Variants in SRCAP observed in about 807,000 individuals in gnomAD.
SRCAP encodes the protein chromatin remodeling protein SRCAP.
Under a neutral mutation model 263.1 loss-of-function variants are expected in SRCAP, and 46 were observed. The observed-to-expected ratio is 0.17, with a 90% confidence interval of 0.14 to 0.22. SRCAP has a LOEUF of 0.22. SRCAP is among the 10% of genes least tolerant of loss of function. The pLI is 1.00. For missense variants in SRCAP, 3,695 were observed against 4,181.9 expected (o/e 0.88, Z 3.21); for synonymous variants, 1,813 against 1,662.1 (o/e 1.09, Z -2.21).
intron 3 of SRCAP, 83 bp downstream of exon 3, chr16:30,700,961 ATTTGTGGAGAGT>A: frequency 6.9e-7 from 1 of 1,459,774 alleles, no homozygotes; most frequent in Non-Finnish European, 9.6e-7. Flanking sequence ...GCAGGGGAAT[ATTTGTGGAGAGT>A]TTTGGAGAAT....
Position 30,712,049 on chromosome 16 carries a change from G to A in SRCAP, c.1707G>A (p.Gly569=). 1 of 1,614,006 alleles carries A rather than the reference G, an allele frequency of 6.2e-7. No homozygotes were observed. Among genetic ancestry groups the A allele is most frequent in the Non-Finnish European group, 8.5e-7 (1 of 1,180,016 alleles). ...AGAGTGAGGCAGATGCAGGCAGTGG[G>A]CCTCCTACTCCAGGGCCCACTACTC... ...EEQSEADAGS[G]PPTPGPTTLG... is the part of the protein sequence containing the mutation. Residue 569 remains glycine, a synonymous_variant, in exon 12 of 34, where the codon GGG becomes GGA. Transcript: ENST00000262518.
intron 4 of SRCAP, among the ~76,000 whole-genome samples, chr16:30,704,965 T>C (rs1445179552): frequency 6.6e-6 from 1 of 152,222 alleles, no homozygotes; most frequent in Non-Finnish European, 1.5e-5. Flanking sequence ...AAGTGTGGTC[T>C]CTGGGCCAGC....
At chr16:30,708,647 G>T (rs566730706) in intron 6 of SRCAP, among the ~76,000 whole-genome samples, 7 of 152,110 alleles carry the variant, frequency 4.6e-5, no homozygotes, top group Non-Finnish European at 1.0e-4. Flanking sequence ...ACTCGCCCCA[G>T]CCTCTCAAAG....
At chr16:30,734,772 T>G (rs548650405) in intron 31 of SRCAP, among the ~76,000 whole-genome samples, 157 bp downstream of exon 31, 2 of 152,342 alleles carry the variant, frequency 1.3e-5, no homozygotes, top group African/African-American at 4.8e-5. Context: ...TGCTTATTGG[T>G]TCACATGATT....
In SRCAP at chr16:30,729,029, A is replaced by T; in HGVS notation, c.5722A>T (p.Ser1908Cys). The T allele has an allele frequency of 1.2e-6, 2 of 1,614,140 alleles. No homozygotes were observed. The highest frequency in any genetic ancestry group is 1.7e-6 in the Non-Finnish European group (2 of 1,180,016). ...ACGCCTGGAACGGATTTTCCAACTT[A>T]GTGAGGCTCATGGGGCCCTGGCACC... Reference protein sequence around the residue: ...SERLERIFQLSEAHGALAPVY... With the variant: ...SERLERIFQLCEAHGALAPVY... The change falls in exon 26 of 34, where the codon AGT becomes TGT. Residue 1908 changes from serine to cysteine, a missense_variant. Coordinates refer to ENST00000262518, the MANE Select transcript of SRCAP (RefSeq NM_006662.3).
Position 30,740,841 on chromosome 16 carries a change from A to T in SRCAP, c.*1108A>T, listed in dbSNP as rs1218336803. ...TCCCTGCAGCTTCTTGGCACACATC[A>T]TTCTTTGCTCTCTACTTGTCTCGCC... On this transcript the variant is annotated 3_prime_UTR_variant, in exon 34 of 34. Coordinates refer to ENST00000262518, the MANE Select transcript of SRCAP (RefSeq NM_006662.3). The T allele has an allele frequency of 6.6e-6, 1 of 152,244 alleles. No homozygotes were observed. The highest frequency in any genetic ancestry group is 1.5e-5 in the Non-Finnish European group (1 of 68,092). 9.4% of individuals were successfully genotyped at this position (152,244 alleles called of 1,614,324 possible). A position where few individuals can be genotyped will look rare whatever the true frequency, so the allele number is the denominator to read the frequency against.
chr16:30,720,906 A>T lies in SRCAP; in HGVS notation c.3181A>T (p.Ile1061Phe). The T allele has an allele frequency of 1.2e-6, 2 of 1,614,074 alleles. No individual in the cohort carries two copies. The highest frequency in any genetic ancestry group is 1.7e-6 in the Non-Finnish European group (2 of 1,180,000). ...VSASPAGPPL[I>F]PASRPPGPVL... ...AGCCTCACCTGCCGGGCCCCCGCTT[A>T]TTCCTGCATCTCGGCCTCCTGGCCC... The change falls in exon 20 of 34, where the codon ATT becomes TTT. Residue 1061 changes from isoleucine (I) to phenylalanine (F), a missense_variant. Physicochemically the swap from Ile to Phe is conservative, Grantham distance 21. Around this residue, in one of 12 missense-constraint regions of SRCAP, gnomAD observed 1,347 missense variants for 1,304.4 expected, o/e 1.03. Transcript: ENST00000262518.
At chr16:30,722,037 G>A (rs2053016537) in intron 21 of SRCAP, 85 bp from the exon 22 acceptor site, 29 of 1,505,410 alleles carry the variant, frequency 1.9e-5, no homozygotes, top group Non-Finnish European at 2.6e-5. Flanking sequence ...CTGGACACTC[G>A]GGGGAGAGGT....
At chr16:30,730,593 G>A (rs1342670973) in intron 27 of SRCAP, among the ~76,000 whole-genome samples, 4 of 151,858 alleles carry the variant, frequency 2.6e-5, no homozygotes, top group Non-Finnish European at 5.9e-5. Flanking sequence ...CACCACACCC[G>A]GCTAATTTTT....
At position 30,720,930 on chromosome 16, in the gene SRCAP, C is replaced by T. The variant is rs201405560; in HGVS notation, c.3205C>T (p.Pro1069Ser). Reference sequence around the variant, plus strand: ...TATTCCTGCATCTCGGCCTCCTGGCCCTGTCCTCTTGCCTCCACTGCAGCC... The same window carrying T: ...TATTCCTGCATCTCGGCCTCCTGGCTCTGTCCTCTTGCCTCCACTGCAGCC... ...PLIPASRPPG[P>S]VLLPPLQPNS... is the part of the protein sequence containing the mutation. The change falls in exon 20 of 34, where the codon CCT becomes TCT. Residue 1069 changes from proline (P) to serine (S), a missense_variant. Physicochemically the swap from Pro to Ser is moderately conservative, Grantham distance 74. This residue lies in a region of SRCAP where 1,347 missense variants were observed against 1,304.4 expected (regional missense o/e 1.03). Coordinates refer to ENST00000262518, the MANE Select transcript of SRCAP (RefSeq NM_006662.3). 6.2e-7 allele frequency: 1 copy of T among 1,613,712 alleles called. No homozygotes were observed. The highest frequency in any genetic ancestry group is 1.7e-5 in the Admixed American group (1 of 59,984).
chr16:30,708,793 T>C (rs2052855478), intron 6 of SRCAP, among the ~76,000 whole-genome samples: 1 of 152,220 alleles, frequency 6.6e-6, no homozygotes, highest in South Asian at 2.1e-4. Flanking sequence ...CCTCCCAAAG[T>C]GTGAGCCACT....
chr16:30,710,277 A>G (rs1032588299), intron 8 of SRCAP, 149 bp downstream of exon 8: 9 of 877,632 alleles, frequency 1.0e-5, no homozygotes, highest in Non-Finnish European at 1.6e-5. Context: ...CTGGGGAAGA[A>G]TCTGTTTGGG....
chr16:30,701,204 C>T, intron 3 of SRCAP: 1 of 262,226 alleles, frequency 3.8e-6, no homozygotes, highest in Admixed American at 4.4e-5. Context: ...TAGGATAAGC[C>T]TATGGATGGT....
intron 3 of SRCAP, among the ~76,000 whole-genome samples, chr16:30,703,284 C>G (rs1372187761): frequency 1.3e-5 from 2 of 151,406 alleles, no homozygotes; most frequent in Non-Finnish European, 2.9e-5. Flanking sequence ...TCCCACGCCT[C>G]CCAGGTTCAA....
Position 30,711,073 on chromosome 16 carries a change from G to A in SRCAP, c.1303G>A (p.Glu435Lys), listed in dbSNP as rs2052885774. ...GGTGGATCATGCCATGGAGCTGAGCGAGTTGGCTCGAGAAGGTGACATTTA... is the reference window on the plus strand; with the variant it reads ...GGTGGATCATGCCATGGAGCTGAGCAAGTTGGCTCGAGAAGGTGACATTTA... ...GEVDHAMELSELAREGELSME... is the reference protein window; with the variant it reads ...GEVDHAMELSKLAREGELSME... Residue 435 changes from glutamate (E) to lysine (K), a missense_variant, in exon 10 of 34, where the codon GAG becomes AAG. By Grantham distance (56) the Glu-to-Lys change is moderately conservative. Around this residue, in one of 12 missense-constraint regions of SRCAP, gnomAD observed 288 missense variants for 302.4 expected, o/e 0.95. Coordinates refer to ENST00000262518, the MANE Select transcript of SRCAP (RefSeq NM_006662.3). The A allele has an allele frequency of 2.5e-6, 4 of 1,613,378 alleles. No homozygotes were observed. Among genetic ancestry groups the A allele is most frequent in the Non-Finnish European group, 3.4e-6 (4 of 1,179,612 alleles).
chr16:30,709,405 A>G (rs1184257996), intron 6 of SRCAP, 108 bp from the exon 7 acceptor site: 3 of 1,185,350 alleles, frequency 2.5e-6, no homozygotes, highest in African/African-American at 1.5e-5. Flanking sequence ...TTACTTTCCT[A>G]AGAGGCCAGC....
intron 18 of SRCAP, among the ~76,000 whole-genome samples, chr16:30,716,940 T>G (rs1008467254): frequency 2.0e-5 from 3 of 152,210 alleles, no homozygotes; most frequent in African/African-American, 7.2e-5. Context: ...TGTACAAATA[T>G]CTCTGCTTTT....
At position 30,729,581 on chromosome 16, in the gene SRCAP, G is replaced by GT. The variant is rs752651718; in HGVS notation, c.6127+11dup. ...CATCCAGTATGATTGCGGTGAGTTT[G>GT]TTGGCCAGTGTAGGACCCTTGACTT... On this transcript the variant is annotated intron_variant, in intron 27 of 33. Coordinates refer to ENST00000262518, the MANE Select transcript of SRCAP (RefSeq NM_006662.3). 1 of 1,614,164 alleles carries GT rather than the reference G, an allele frequency of 6.2e-7. No homozygotes were observed. The highest frequency in any genetic ancestry group is 2.2e-5 in the East Asian group (1 of 44,888).
In SRCAP at chr16:30,738,962, C is replaced by G. The variant is rs1445120039; in HGVS notation, c.8922C>G (p.Pro2974=). The G allele has an allele frequency of 6.2e-7, 1 of 1,613,648 alleles. No homozygotes were observed. Among genetic ancestry groups the G allele is most frequent in the Non-Finnish European group, 8.5e-7 (1 of 1,179,788 alleles). The change falls in exon 34 of 34, where the codon CCC becomes CCG. Residue 2974 remains proline, a synonymous_variant. Coordinates refer to ENST00000262518, the MANE Select transcript of SRCAP (RefSeq NM_006662.3). ...CACAGCCACCCCCACACCCATCACC[C>G]CTAACCCCACTCCCACCACTGCTAG... The part of the protein sequence containing the change: ...SRTQPPPHPS[P]LTPLPPLLVC...
Sources: gnomAD v4.1 joint callset for allele counts (sites outside exome capture counted in the v4.1 genomes callset) on GRCh38, gnomAD v4.1.1 for gene constraint, gnomAD v4.1.1 regional missense constraint, MANE v1.5 for transcripts, NCBI Gene and HGNC (gene_info 2026-07-23, HGNC 2026-07-21) for gene names.